The following FRMD4A variants were observed in gnomAD, a reference collection of about 807,000 sequenced individuals.
FRMD4A encodes the protein FERM domain containing 4A.
FRMD4A carries 29 observed loss-of-function variants against 129.1 expected under a neutral mutation model. The observed-to-expected ratio is 0.22, with a 90% CI of 0.17 to 0.31. The LOEUF is 0.31. Ranked by LOEUF, FRMD4A falls within the 10% of genes least tolerant of loss-of-function variation. FRMD4A has a pLI of 1.00. For missense variants in FRMD4A, 1,272 were observed against 1,375.8 expected (o/e 0.92, Z 1.19); for synonymous variants, 634 against 571.6 (o/e 1.11, Z -1.56).
intron 2 of FRMD4A, among the ~76,000 whole-genome samples, chr10:13,939,814 T>C (rs138591137): frequency 6.6e-5 from 10 of 152,284 alleles, no homozygotes; most frequent in African/African-American, 1.9e-4. Context: ...TTAAATCAGA[T>C]TTCCCATTCT....
At chr10:13,805,256 G>A (rs572791316) in intron 4 of FRMD4A, among the ~76,000 whole-genome samples, 38 of 151,774 alleles carry the variant, frequency 2.5e-4, no homozygotes, top group African/African-American at 8.0e-4. Flanking sequence ...CAAGTCTCCC[G>A]CCTCAGCCTC....
At chr10:14,110,059 G>A (rs995501666) in intron 2 of FRMD4A, among the ~76,000 whole-genome samples, 1 of 141,336 alleles carries the variant, frequency 7.1e-6, no homozygotes, top group Non-Finnish European at 1.5e-5. Flanking sequence ...AGCTCAGGAG[G>A]TCAAGGCTGC....
At chr10:13,750,556 G>C (rs926224936) in intron 8 of FRMD4A, among the ~76,000 whole-genome samples, 1 of 152,190 alleles carries the variant, frequency 6.6e-6, no homozygotes, top group Non-Finnish European at 1.5e-5. Flanking sequence ...GACTGGCTTT[G>C]GGGGAGGCCG....
At chr10:14,107,149 T>C (rs1837628835) in intron 2 of FRMD4A, among the ~76,000 whole-genome samples, 1 of 152,032 alleles carries the variant, frequency 6.6e-6, no homozygotes, top group African/African-American at 2.4e-5. Context: ...AGCCAAACAC[T>C]GGGTACTCAT....
At chr10:13,949,740 T>C (rs1464065460) in intron 2 of FRMD4A, among the ~76,000 whole-genome samples, 2 of 152,214 alleles carry the variant, frequency 1.3e-5, no homozygotes, top group Non-Finnish European at 2.9e-5. Context: ...ACGAGGGCAC[T>C]AAGAGCCAGA....
chr10:13,714,907 C>T (rs1311683222), intron 12 of FRMD4A, among the ~76,000 whole-genome samples: 1 of 152,072 alleles, frequency 6.6e-6, no homozygotes, highest in Non-Finnish European at 1.5e-5. Context: ...GGCGTGGTGG[C>T]TCACGCCTGT....
At chr10:13,679,442 A>T (rs12763960) in intron 15 of FRMD4A, among the ~76,000 whole-genome samples, 2 of 50,252 alleles carry the variant, frequency 4.0e-5, no homozygotes, top group Admixed American at 2.3e-4. Flanking sequence ...AAAAAAAAAA[A>T]AAAAAAAAAA....
rs759817690 is a variant in FRMD4A at position 13,983,393 on chromosome 10, G to GA, written c.46-124482dup. Among the ~76,000 whole-genome samples, 34 of 151,190 alleles carry GA rather than the reference G, an allele frequency of 2.2e-4. 1 individual carries two copies. The Middle Eastern group carries it at 0.01, about 45-fold the overall frequency. On this transcript the variant is annotated intron_variant, in intron 2 of 24. Coordinates refer to ENST00000357447, the MANE Select transcript of FRMD4A (RefSeq NM_018027.5). The stretch of plus-strand genomic sequence containing the variant: ...AGCAATGCCCTTTAACGCTTCAATA[G>GA]AAAAAAAACGTAATTACATCCTCCT...
chr10:13,953,967 C>T (rs555050219), intron 2 of FRMD4A, among the ~76,000 whole-genome samples: 13 of 152,266 alleles, frequency 8.5e-5, no homozygotes, highest in African/African-American at 2.9e-4. Context: ...ATACTGGAAG[C>T]TCACTTTACA....
chr10:14,029,244 T>C (rs1200571032), intron 2 of FRMD4A, among the ~76,000 whole-genome samples: 2 of 152,184 alleles, frequency 1.3e-5, no homozygotes, highest in African/African-American at 2.4e-5. Flanking sequence ...TCAAATAAAA[T>C]AGAAGTCTCG....
At chr10:13,783,978 T>C (rs1020435067) in intron 5 of FRMD4A, among the ~76,000 whole-genome samples, 6 of 152,328 alleles carry the variant, frequency 3.9e-5, no homozygotes, top group South Asian at 4.1e-4. Flanking sequence ...TACTGTCTAA[T>C]GACCAGCCGC....
chr10:14,153,060 G>GCTGCCCTA (rs1785648313), intron 2 of FRMD4A, among the ~76,000 whole-genome samples: 1 of 152,182 alleles, frequency 6.6e-6, no homozygotes, highest in Non-Finnish European at 1.5e-5. Context: ...GAAGCTGAGA[G>GCTGCCCTA]CTGCCCTACT....
chr10:14,011,650 C>G (rs761577017), intron 2 of FRMD4A, among the ~76,000 whole-genome samples: 6 of 152,008 alleles, frequency 3.9e-5, no homozygotes, highest in Non-Finnish European at 8.8e-5. Context: ...CTGGGCCAGC[C>G]CTGAGGGACC....
chr10:13,969,995 C>A (rs1300559259), intron 2 of FRMD4A, among the ~76,000 whole-genome samples: 1 of 152,220 alleles, frequency 6.6e-6, no homozygotes, highest in African/African-American at 2.4e-5. Flanking sequence ...GGACTTTTGA[C>A]TCTAAATCAC....
chr10:13,863,351 G>T (rs1480987282), intron 2 of FRMD4A, among the ~76,000 whole-genome samples: 1 of 152,110 alleles, frequency 6.6e-6, no homozygotes, highest in Non-Finnish European at 1.5e-5. Context: ...GGAGGCCGAG[G>T]CAGGTGGATT....
chr10:13,646,998 A>T lies in FRMD4A; in HGVS notation c.*40T>A. 2 of 982,514 alleles carry T rather than the reference A, an allele frequency of 2.0e-6. No individual in the cohort carries two copies. The highest frequency in any genetic ancestry group is 2.4e-6 in the Non-Finnish European group (2 of 826,886). The allele number at this position is 982,514 out of a possible 1,614,324, so 60.9% of individuals were successfully genotyped here. On this transcript the variant is annotated 3_prime_UTR_variant, in exon 25 of 25. Transcript: ENST00000357447. Reference sequence around the variant, plus strand: ...CACTGGACATCAGCTAGTTCTGGATAGAGGGAGGAATCCAGGAAACAGCTA... The same window carrying T: ...CACTGGACATCAGCTAGTTCTGGATTGAGGGAGGAATCCAGGAAACAGCTA...
intron 2 of FRMD4A, among the ~76,000 whole-genome samples, chr10:14,249,747 G>C (rs1292337114): frequency 6.6e-6 from 1 of 152,284 alleles, no homozygotes; most frequent in African/African-American, 2.4e-5. Context: ...TTCCCGATAA[G>C]GGATGCATCA....
intron 2 of FRMD4A, among the ~76,000 whole-genome samples, chr10:14,190,972 G>C (rs1458738877): frequency 6.6e-6 from 1 of 152,204 alleles, no homozygotes; most frequent in Non-Finnish European, 1.5e-5. Flanking sequence ...AGGCTGTGAG[G>C]TCAGCAAGCT....
chr10:13,860,001 G>A (rs75025577), intron 2 of FRMD4A, among the ~76,000 whole-genome samples: 4,112 of 152,244 alleles, frequency 0.027, 96 homozygotes, highest in Non-Finnish European at 0.041. Flanking sequence ...GTGGGGTGCT[G>A]GTGAATATTT....
Sources: allele counts gnomAD v4.1 joint callset (sites outside exome capture counted in the v4.1 genomes callset), GRCh38; gene constraint gnomAD v4.1.1; transcripts MANE v1.5; gene names NCBI Gene and HGNC (gene_info 2026-07-23, HGNC 2026-07-21).